Variants in LTBP3 observed in about 807,000 individuals in gnomAD.
LTBP3 encodes latent transforming growth factor beta binding protein 3.
A neutral mutation model predicts 159.7 loss-of-function variants in LTBP3; 97 were observed. The observed-to-expected ratio is 0.61, with a 90% CI of 0.52 to 0.72. LTBP3 has a LOEUF of 0.72. Ranked by LOEUF, LTBP3 falls within the 30% of genes least tolerant of loss-of-function variation. LTBP3 has a pLI of 0.00. For synonymous variants in LTBP3, 824 were observed against 777.1 expected (o/e 1.06, Z -1.00); for missense variants, 1,584 against 1,864.3 (o/e 0.85, Z 2.77).
intron 16 of LTBP3, chr11:65,545,861 C>A: frequency 5.3e-6 from 1 of 188,106 alleles, no homozygotes. Context: ...AGCCTCAGCC[C>A]CCATAGCCTG....
chr11:65,542,717 G>A (rs536351465), intron 18 of LTBP3: 1 of 320,198 alleles, frequency 3.1e-6, no homozygotes, highest in Non-Finnish European at 6.1e-6. Flanking sequence ...AACTTTTGTT[G>A]GATGAATGCA....
In LTBP3 at chr11:65,539,376, C is replaced by T. The variant is rs1413780372; in HGVS notation, c.3712G>A (p.Glu1238Lys). Residue 1238 changes from glutamate to lysine, a missense_variant, in exon 27 of 28, where the codon GAG becomes AAG. Glu to Lys is a moderately conservative substitution (Grantham distance 56). This residue lies in a region of LTBP3 where 514 missense variants were observed against 530.3 expected (regional missense o/e 0.97). Transcript: ENST00000301873. ...CVPRPGGAVC[E>K]CPGGFQLDAS... ...TCGAGCTGGAAGCCGCCGGGACACT[C>T]GCACACGGCGCCGCCCGGCCGCGGC... 1.3e-6 allele frequency: 2 copies of T among 1,543,006 alleles called. No homozygotes were observed. Among genetic ancestry groups the T allele is most frequent in the African/African-American group, 2.7e-5 (2 of 72,824 alleles).
intron 16 of LTBP3, chr11:65,544,077 C>G (rs1191085893): frequency 5.4e-6 from 1 of 183,956 alleles, no homozygotes; most frequent in South Asian, 1.1e-4. Flanking sequence ...CCTCATTCCT[C>G]CTGCTCTGTT....
In LTBP3 at chr11:65,543,422, C is replaced by G. The variant is rs1856240363; in HGVS notation, c.2476+5G>C. ...GGTCAGCACCCCAGCTCTAAGATCCCTCACCCTCGCAGTGGCTCCGGTCCC... is the reference window on the plus strand; with the variant it reads ...GGTCAGCACCCCAGCTCTAAGATCCGTCACCCTCGCAGTGGCTCCGGTCCC... On this transcript the variant is annotated splice_donor_5th_base_variant and intron_variant, in intron 17 of 27. Coordinates refer to ENST00000301873, the MANE Select transcript of LTBP3 (RefSeq NM_001130144.3). 1.2e-6 allele frequency: 2 copies of G among 1,613,902 alleles called. No homozygotes were observed. The highest frequency in any genetic ancestry group is 2.2e-5 in the South Asian group (2 of 91,074).
chr11:65,553,363 T>C lies in LTBP3; in HGVS notation c.970+62A>G, dbSNP rs2135157001. On this transcript the variant is annotated intron_variant, in intron 4 of 27. Coordinates refer to ENST00000301873, the MANE Select transcript of LTBP3 (RefSeq NM_001130144.3). The surrounding 1 kb of genome is among the most constrained non-coding windows in gnomAD (Gnocchi z 6.5). ...GACCTGGGGACTCCCACTGCAGGGA[T>C]GGGTGGGGTGGGTGGGGAGGGGCCA... 2.8e-6 allele frequency: 1 copy of C among 360,434 alleles called. No homozygotes were observed. Among genetic ancestry groups the C allele is most frequent in the Non-Finnish European group, 4.4e-6 (1 of 225,542 alleles). 22.3% of individuals were successfully genotyped at this position (360,434 alleles called of 1,614,324 possible).
intron 1 of LTBP3, among the ~76,000 whole-genome samples, chr11:65,557,214 AT>A (rs1193317204): frequency 5.9e-5 from 9 of 152,068 alleles, no homozygotes; most frequent in African/African-American, 2.2e-4. Flanking sequence ...TACTTTAGAC[AT>A]TTTGTAAAGA....
At chr11:65,548,506 A>G (rs973535103) in intron 11 of LTBP3, 11 of 229,406 alleles carry the variant, frequency 4.8e-5, no homozygotes, top group Non-Finnish European at 7.0e-5. Flanking sequence ...CCCCTATTCC[A>G]GAAGGGTTGA....
At position 65,549,757 on chromosome 11, in the gene LTBP3, GA is replaced by G. The variant is rs752434010; in HGVS notation, c.1720+1368del. On this transcript the variant is annotated intron_variant, in intron 11 of 27. Coordinates refer to ENST00000301873, the MANE Select transcript of LTBP3 (RefSeq NM_001130144.3). ...TTCACAGGAAAACTCCCCAGGCCGG[GA>G]AAAAAAAAAAAAAAAAAAAGAGCAT... 2.5e-3 allele frequency among the ~76,000 whole-genome samples: 263 copies of G among 104,472 alleles called. 1 individual carries two copies. Among genetic ancestry groups the G allele is most frequent in the African/African-American group, 6.4e-3 (168 of 26,124 alleles). The allele number at this position is 104,472 out of a possible 152,430, so 68.5% of individuals were successfully genotyped here. A position where few individuals can be genotyped will look rare whatever the true frequency, so the allele number is the denominator to read the frequency against.
At chr11:65,541,919 T>C (rs1856153343) in intron 18 of LTBP3, 191 bp from the exon 19 acceptor site, 1 of 638,668 alleles carries the variant, frequency 1.6e-6, no homozygotes. Flanking sequence ...TCATAACACC[T>C]TCAGTGGCTC....
intron 21 of LTBP3, 91 bp from the exon 22 acceptor site, chr11:65,540,705 G>A: frequency 6.3e-7 from 1 of 1,590,452 alleles, no homozygotes; most frequent in Non-Finnish European, 8.6e-7. Context: ...GCCATCCCCG[G>A]GCGGGGCCTA....
chr11:65,546,159 G>A lies in LTBP3; in HGVS notation c.2353+283C>T, dbSNP rs939251184. The A allele has an allele frequency of 2.1e-6, 1 of 475,204 alleles. No homozygotes were observed. Among genetic ancestry groups the A allele is most frequent in the South Asian group, 2.5e-5 (1 of 40,476 alleles). 29.4% of individuals were successfully genotyped at this position (475,204 alleles called of 1,614,324 possible). On this transcript the variant is annotated intron_variant, in intron 16 of 27. Transcript: ENST00000301873. The surrounding 1 kb of genome is among the most constrained non-coding windows in gnomAD (Gnocchi z 4.0). ...TGGCGTATAATAAACAGGAGTGCAG[G>A]GGGGAGTACTATCGTCTGCCCTCAT... is the stretch of plus-strand genomic sequence containing the variant.
chr11:65,540,646 C>T (rs767362509), intron 21 of LTBP3, 32 bp from the exon 22 acceptor site: 1 of 1,592,598 alleles, frequency 6.3e-7, no homozygotes, highest in African/African-American at 1.4e-5. Context: ...CCGCTCCGGT[C>T]CCGCAGCTGC....
rs1245775017 is a variant in LTBP3 at position 65,539,912 on chromosome 11, G to A, written c.3386-31C>T. 6 of 1,496,200 alleles carry A rather than the reference G, an allele frequency of 4.0e-6. No homozygotes were observed. The East Asian group carries it at 1.3e-4, about 33-fold the overall frequency. 92.7% of individuals were successfully genotyped at this position (1,496,200 alleles called of 1,614,324 possible). ...GAAGACACCTGGCATCAGGGGAGGG[G>A]CCCAAGGCAGGAACCGCCCGCCTCC... is the stretch of plus-strand genomic sequence containing the variant. On this transcript the variant is annotated intron_variant, in intron 24 of 27. Coordinates refer to ENST00000301873, the MANE Select transcript of LTBP3 (RefSeq NM_001130144.3).
Position 65,552,264 on chromosome 11 carries a change from G to T in LTBP3, c.1329C>A (p.Cys443Ter). Residue 443 changes from cysteine (C) to a stop codon, truncating the protein, a stop_gained, in exon 7 of 28, where the codon TGC becomes TGA. Transcript: ENST00000301873. LOFTEE classifies it high-confidence loss of function. This position sits in a 1 kb window ranked among gnomAD's most constrained non-coding sequence, Gnocchi z 6.0. ...CTGACTCACCGGTGCCATCTGTTGG[G>T]CAGCGCTGACACCGCGCGCCCCAGG... Reference protein sequence around the residue: ...GKAWGARCQRCPTDGTAAFKE... With the variant: ...GKAWGARCQR 6.2e-7 allele frequency: 1 copy of T among 1,614,148 alleles called. No individual in the cohort carries two copies. The highest frequency in any genetic ancestry group is 8.5e-7 in the Non-Finnish European group (1 of 1,180,018).
rs758863489 is a variant in LTBP3, at chr11:65,547,893, C to A, written c.1846+27G>T. On this transcript the variant is annotated intron_variant, in intron 12 of 27. Coordinates refer to ENST00000301873, the MANE Select transcript of LTBP3 (RefSeq NM_001130144.3). The surrounding 1 kb of genome is among the most constrained non-coding windows in gnomAD (Gnocchi z 4.6). ...TCTGGGGTCCCCCCCCACCCACCTG[C>A]ATGCCCGCCGCCTGCCCTGCGCTCA... is the stretch of plus-strand genomic sequence containing the variant. 5.6e-6 allele frequency: 9 copies of A among 1,613,460 alleles called. No homozygotes were observed. Among genetic ancestry groups the A allele is most frequent in the Non-Finnish European group, 4.2e-6 (5 of 1,179,926 alleles).
chr11:65,543,044 T>C (rs1366191318), intron 18 of LTBP3, 61 bp downstream of exon 18: 31 of 1,606,966 alleles, frequency 1.9e-5, no homozygotes. Flanking sequence ...GGCCACAGTG[T>C]GTCTAGGGAA....
intron 18 of LTBP3, 168 bp from the exon 19 acceptor site, chr11:65,541,896 T>TC: frequency 4.0e-6 from 3 of 741,106 alleles, no homozygotes; most frequent in Non-Finnish European, 6.9e-6. Flanking sequence ...ATGTGGACAT[T>TC]AGCTGCTGTC....
At position 65,547,012 on chromosome 11, in the gene LTBP3, G is replaced by A. The variant is rs1856401888; in HGVS notation, c.2108-92C>T. ...CACAGCAGGGACTTCCTCCCACACA[G>A]ATCAACGAGGCTCCCGGACCCCAAC... On this transcript the variant is annotated intron_variant, in intron 14 of 27. Transcript: ENST00000301873. This position sits in a 1 kb window ranked among gnomAD's most constrained non-coding sequence, Gnocchi z 4.6. 1.3e-6 allele frequency: 2 copies of A among 1,562,170 alleles called. No homozygotes were observed. The highest frequency in any genetic ancestry group is 1.7e-6 in the Non-Finnish European group (2 of 1,149,020).
intron 19 of LTBP3, 86 bp from the exon 20 acceptor site, chr11:65,541,379 C>T (rs1469673099): frequency 6.5e-7 from 1 of 1,535,534 alleles, no homozygotes; most frequent in Non-Finnish European, 8.9e-7. Flanking sequence ...TCTTTCCCCC[C>T]ACATTCCCTG....
Sources: gnomAD v4.1 joint callset for allele counts (sites outside exome capture counted in the v4.1 genomes callset) on GRCh38, gnomAD v4.1.1 for gene constraint, gnomAD v4.1.1 regional missense constraint, Gnocchi (gnomAD v3.1) non-coding constraint, MANE v1.5 for transcripts, NCBI Gene and HGNC (gene_info 2026-07-23, HGNC 2026-07-21) for gene names.